Variants in MRGPRF observed in about 807,000 individuals in gnomAD.
The protein encoded by MRGPRF is mas-related G protein-coupled receptor member F.
A neutral mutation model predicts 3.3 loss-of-function variants in MRGPRF; 2 were observed. That is an observed-to-expected ratio of 0.61 (90% CI 0.25 to 1.92). MRGPRF has a LOEUF of 1.92. Among genes scored for constraint, MRGPRF ranks in the 40% most tolerant of loss-of-function variants. MRGPRF has a pLI of 0.16. For missense variants in MRGPRF, 500 were observed against 476.0 expected (o/e 1.05, Z -0.47); for synonymous variants, 242 against 222.7 (o/e 1.09, Z -0.77).
At position 69,005,192 on chromosome 11, in the gene MRGPRF, A is replaced by G. The variant is rs1231575436; in HGVS notation, c.*86T>C. 5.0e-6 allele frequency: 7 copies of G among 1,391,224 alleles called. No individual in the cohort carries two copies. The highest frequency in any genetic ancestry group is 6.6e-6 in the Non-Finnish European group (7 of 1,059,928). 86.2% of individuals were successfully genotyped at this position (1,391,224 alleles called of 1,614,324 possible). On this transcript the variant is annotated 3_prime_UTR_variant, in exon 3 of 3. Transcript: ENST00000309099. The stretch of plus-strand genomic sequence containing the variant: ...AACAGATCTTTCTTCTCCTGTATGG[A>G]CTCAGAAGCAGGTGCCCATTCCTGT...
chr11:69,008,028 A>G (rs886739396), intron 2 of MRGPRF, among the ~76,000 whole-genome samples: 3 of 152,158 alleles, frequency 2.0e-5, no homozygotes, highest in Non-Finnish European at 2.9e-5. Context: ...CACAGTGGCA[A>G]ATCTGAGAGC....
intron 2 of MRGPRF, chr11:69,009,516 G>T: frequency 1.7e-6 from 1 of 580,686 alleles, no homozygotes; most frequent in East Asian, 2.9e-5. Flanking sequence ...TTCCTGGCCC[G>T]CCTGGCTGTA....
At position 69,009,869 on chromosome 11, in the gene MRGPRF, G is replaced by A. The variant is rs140713582; in HGVS notation, c.33C>T (p.Pro11=). 4.0e-4 allele frequency: 643 copies of A among 1,609,704 alleles called. 5 individuals carry two copies. The African/African-American group carries it at 7.2e-3, about 18-fold the overall frequency. MAGNCSWEAH[P]GNRNKMCPGL... ...TGGCACTTACCTTGTTCCTGTTGCC[G>A]GGATGGGCCTCCCAGGAGCAGTTTC... is the stretch of plus-strand genomic sequence containing the variant. The change falls in exon 2 of 3, where the codon CCC becomes CCT. Residue 11 remains proline, a synonymous_variant. Coordinates refer to ENST00000309099, the MANE Select transcript of MRGPRF (RefSeq NM_145015.5).
Position 69,005,873 on chromosome 11 carries a change from A to C in MRGPRF, c.437T>G (p.Ile146Ser), listed in dbSNP as rs375328578. The C allele has an allele frequency of 1.3e-6, 2 of 1,561,002 alleles. No individual in the cohort carries two copies. The highest frequency in any genetic ancestry group is 1.7e-6 in the Non-Finnish European group (2 of 1,155,294). The change falls in exon 3 of 3, where the codon ATC becomes AGC. Residue 146 changes from isoleucine (I) to serine (S), a missense_variant. Physicochemically the swap from Ile to Ser is moderately radical, Grantham distance 142. Transcript: ENST00000309099. Reference protein sequence around the residue: ...AVSAERCASVIFPAWYWRRRP... With the variant: ...AVSAERCASVSFPAWYWRRRP... ...CCGGCGCCAGTACCAGGCGGGGAAG[A>C]TGACCGAGGCGCAGCGCTCGGCGCT...
Position 69,009,907 on chromosome 11 carries a change from G to A in MRGPRF, c.-6C>T. 1 of 1,603,786 alleles carries A rather than the reference G, an allele frequency of 6.2e-7. No individual in the cohort carries two copies. The highest frequency in any genetic ancestry group is 8.5e-7 in the Non-Finnish European group (1 of 1,177,928). On this transcript the variant is annotated 5_prime_UTR_variant, in exon 2 of 3. Coordinates refer to ENST00000309099, the MANE Select transcript of MRGPRF (RefSeq NM_145015.5). Reference sequence around the variant, plus strand: ...CAGGAGCAGTTTCCAGCCATCTCCAGGCCTGGCGCGTCTGGGCCCCTGCTG... The same window carrying A: ...CAGGAGCAGTTTCCAGCCATCTCCAAGCCTGGCGCGTCTGGGCCCCTGCTG...
At chr11:69,010,176 C>T (rs1187519110) in intron 1 of MRGPRF, among the ~76,000 whole-genome samples, 5 of 152,370 alleles carry the variant, frequency 3.3e-5, no homozygotes, top group African/African-American at 7.2e-5. Context: ...GTGGACTCCG[C>T]GTCAGCCCCA....
intron 2 of MRGPRF, among the ~76,000 whole-genome samples, chr11:69,006,545 G>GCCCTGGGTCA (rs1860494538): frequency 6.6e-6 from 1 of 151,904 alleles, no homozygotes; most frequent in Non-Finnish European, 1.5e-5. Context: ...CAGGAAGGGT[G>GCCCTGGGTCA]CCAGGCTGCC....
At chr11:69,008,015 G>C (rs1361388237) in intron 2 of MRGPRF, among the ~76,000 whole-genome samples, 6 of 152,164 alleles carry the variant, frequency 3.9e-5, no homozygotes, top group Non-Finnish European at 7.3e-5. Context: ...AGGTGAGAGG[G>C]AGCACAGTGG....
rs951194698 is a variant in MRGPRF, at chr11:69,013,178, G to T, written c.-152C>A. On this transcript the variant is annotated 5_prime_UTR_variant, in exon 1 of 3. In the 5' UTR this introduces an upstream ATG that the reference lacks. Transcript: ENST00000309099. ...GCGGACCCGCCGGGGCAGCAGGCCA[G>T]CGCCGAGCGCGGCCCGGAGCCTTGG... is the stretch of plus-strand genomic sequence containing the variant. The T allele has an allele frequency of 2.0e-5, 3 of 152,344 alleles. No homozygotes were observed. The highest frequency in any genetic ancestry group is 7.2e-5 in the African/African-American group (3 of 41,444). The allele number at this position is 152,344 out of a possible 1,614,324, so 9.4% of individuals were successfully genotyped here. A position where few individuals can be genotyped will look rare whatever the true frequency, so the allele number is the denominator to read the frequency against.
chr11:69,007,345 C>T (rs941411843), intron 2 of MRGPRF, among the ~76,000 whole-genome samples: 45 of 152,150 alleles, frequency 3.0e-4, no homozygotes, highest in Admixed American at 1.4e-3. Flanking sequence ...GTAGCTGGGA[C>T]TACAGGCACG....
rs11326908 is a variant in MRGPRF, at chr11:69,006,619, C to CTTTTT, written c.49-363_49-359dup. Among the ~76,000 whole-genome samples the CTTTTT allele has an allele frequency of 5.6e-3, 604 of 107,882 alleles. 15 individuals are homozygous for CTTTTT. The highest frequency in any genetic ancestry group is 0.017 in the African/African-American group (442 of 26,726). 70.8% of individuals were successfully genotyped at this position (107,882 alleles called of 152,430 possible). ...GCACAAAAAACTGCAGAGCCTTTCC[C>CTTTTT]TTTTTTTTTTTTTTTTTTTTTGAGA... On this transcript the variant is annotated intron_variant, in intron 2 of 2. Coordinates refer to ENST00000309099, the MANE Select transcript of MRGPRF (RefSeq NM_145015.5).
chr11:69,006,366 T>C, intron 2 of MRGPRF, 105 bp from the exon 3 acceptor site: 1 of 1,267,856 alleles, frequency 7.9e-7, no homozygotes, highest in Non-Finnish European at 1.1e-6. Context: ...AATTAGGGAC[T>C]TGGGGCAGGG....
Position 69,005,738 on chromosome 11 carries a change from C to T in MRGPRF, c.572G>A (p.Gly191Asp). 6.5e-7 allele frequency: 1 copy of T among 1,549,968 alleles called. No individual in the cohort carries two copies. Among genetic ancestry groups the T allele is most frequent in the South Asian group, 1.2e-5 (1 of 83,970 alleles). ...FCVFLGRGAP[G>D]AACRHMDIFL... is the part of the protein sequence containing the mutation. ...GATGTCCATGTGCCTGCAGGCCGCG[C>T]CGGGGGCCCCGCGGCCCAGGAACAC... Residue 191 changes from glycine (G) to aspartate (D), a missense_variant, in exon 3 of 3, where the codon GGC becomes GAC. Gly to Asp is a moderately conservative substitution (Grantham distance 94, BLOSUM62 -1). Coordinates refer to ENST00000309099, the MANE Select transcript of MRGPRF (RefSeq NM_145015.5).
At position 69,005,998 on chromosome 11, in the gene MRGPRF, C is replaced by A. The variant is rs1025889218; in HGVS notation, c.312G>T (p.Thr104=). Residue 104 remains threonine (T), a synonymous_variant, in exon 3 of 3, where the codon ACG becomes ACT. Coordinates refer to ENST00000309099, the MANE Select transcript of MRGPRF (RefSeq NM_145015.5). Reference sequence around the variant, plus strand: ...CGGCAAACGTGCCCAGGAAGCCCCCCGTGTTCAGGATGGAGAACACCGCCT... The same window carrying A: ...CGGCAAACGTGCCCAGGAAGCCCCCAGTGTTCAGGATGGAGAACACCGCCT... ...FSKAVFSILN[T]GGFLGTFADY... The A allele has an allele frequency of 1.0e-5, 16 of 1,566,436 alleles. 1 individual carries two copies. The highest frequency in any genetic ancestry group is 3.5e-5 in the South Asian group (3 of 85,564).
rs781221246 is a variant in MRGPRF at position 69,005,908 on chromosome 11, C to T, written c.402G>A (p.Leu134=). 4.4e-6 allele frequency: 7 copies of T among 1,573,498 alleles called. No individual in the cohort carries two copies. The East Asian group carries it at 1.2e-4, about 26-fold the overall frequency. The part of the protein sequence containing the change: ...LCMFLTGVSL[L]PAVSAERCAS... Reference sequence around the variant, plus strand: ...CGCAGCGCTCGGCGCTGACGGCCGGCAGGAGGCTCACGCCGGTAAGGAACA... The same window carrying T: ...CGCAGCGCTCGGCGCTGACGGCCGGTAGGAGGCTCACGCCGGTAAGGAACA... Residue 134 remains leucine, a synonymous_variant, in exon 3 of 3, where the codon CTG becomes CTA. Coordinates refer to ENST00000309099, the MANE Select transcript of MRGPRF (RefSeq NM_145015.5).
chr11:69,012,097 T>C (rs954656184), intron 1 of MRGPRF, among the ~76,000 whole-genome samples: 2 of 152,244 alleles, frequency 1.3e-5, no homozygotes, highest in Non-Finnish European at 2.9e-5. Context: ...TGCGTGTCAG[T>C]ACATGTGTAT....
In MRGPRF at chr11:69,005,605, G is replaced by T; in HGVS notation, c.705C>A (p.Ala235=). The change falls in exon 3 of 3, where the codon GCC becomes GCA. Residue 235 remains alanine (A), a synonymous_variant. Transcript: ENST00000309099. The part of the protein sequence containing the change: ...ECRARRRQRS[A]KLNHVILAMV... ...TGGCCAGGATGACGTGGTTGAGCTT[G>T]GCAGAGCGCTGGCGCCGTCGGGCCC... 6.4e-7 allele frequency: 1 copy of T among 1,572,092 alleles called. No individual in the cohort carries two copies. The highest frequency in any genetic ancestry group is 8.6e-7 in the Non-Finnish European group (1 of 1,159,348).
Position 69,005,395 on chromosome 11 carries a change from C to G in MRGPRF, c.915G>C (p.Pro305=). 6.3e-7 allele frequency: 1 copy of G among 1,577,542 alleles called. No homozygotes were observed. Among genetic ancestry groups the G allele is most frequent in the Non-Finnish European group, 8.6e-7 (1 of 1,162,252 alleles). Residue 305 remains proline, a synonymous_variant, in exon 3 of 3, where the codon CCG becomes CCC. Transcript: ENST00000309099. ...GGGCCCGCTGGAAGACCACCCTGAG[C>G]GGCTCCCACAGCCGCTGCGACTTGT... ...GRDKSQRLWE[P]LRVVFQRALR...
chr11:69,010,862 G>T (rs189074986), intron 1 of MRGPRF, among the ~76,000 whole-genome samples: 112 of 152,196 alleles, frequency 7.4e-4, no homozygotes, highest in African/African-American at 2.6e-3. Flanking sequence ...AATTGATCCC[G>T]GTCCCCCAAC....
Sources: gnomAD v4.1 joint callset for allele counts (sites outside exome capture counted in the v4.1 genomes callset) on GRCh38, gnomAD v4.1.1 for gene constraint, MANE v1.5 for transcripts, NCBI Gene and HGNC (gene_info 2026-07-23, HGNC 2026-07-21) for gene names.